Variants in KCNG2 observed in about 807,000 individuals in gnomAD.
KCNG2 encodes voltage-gated potassium channel regulatory subunit KCNG2.
Under a neutral mutation model 12.3 loss-of-function variants are expected in KCNG2, and 7 were observed. The observed-to-expected ratio is 0.57, with a 90% CI of 0.32 to 1.07. The LOEUF (loss-of-function observed/expected upper bound fraction) is 1.07. Ranked by LOEUF, KCNG2 falls within the 50% of genes least tolerant of loss-of-function variation. KCNG2 has a pLI of 0.04. For missense variants in KCNG2, 703 were observed against 726.0 expected (o/e 0.97, Z 0.36); for synonymous variants, 414 against 351.4 (o/e 1.18, Z -1.99).
In KCNG2 at chr18:79,899,606, G is replaced by C. The variant is rs775767437; in HGVS notation, c.1191G>C (p.Met397Ile). The C allele has an allele frequency of 5.6e-6, 9 of 1,599,494 alleles. No individual in the cohort carries two copies. The South Asian group carries it at 1.0e-4, about 18-fold the overall frequency. ...LSSILSGILL[M>I]AFPVTSIFHT... The stretch of plus-strand genomic sequence containing the variant: ...GCATCCTCAGCGGCATCCTGCTCAT[G>C]GCCTTCCCGGTCACCTCCATCTTCC... Residue 397 changes from methionine to isoleucine, a missense_variant, in exon 4 of 4, where the codon ATG becomes ATC. Met to Ile is a conservative substitution (Grantham distance 10). Coordinates refer to ENST00000316249, the MANE Select transcript of KCNG2 (RefSeq NM_012283.2).
intron 1 of KCNG2, among the ~76,000 whole-genome samples, chr18:79,827,879 C>T (rs1208468870): frequency 6.6e-6 from 1 of 151,944 alleles, no homozygotes; most frequent in Non-Finnish European, 1.5e-5. Flanking sequence ...ACAGAATTAG[C>T]AGTTAGAATT....
At position 79,884,909 on chromosome 18, in the gene KCNG2, G is replaced by A. The variant is rs574314185; in HGVS notation, c.625-14131G>A. ...GCCAAGACACCATCCCTGAAACTGT[G>A]ATAATGAGAGCGTCCTGACACCAGG... is the stretch of plus-strand genomic sequence containing the variant. On this transcript the variant is annotated intron_variant, in intron 3 of 3. Transcript: ENST00000316249. The surrounding 1 kb of genome is among the most constrained non-coding windows in gnomAD (Gnocchi z 5.5). 5.6e-4 allele frequency among the ~76,000 whole-genome samples: 85 copies of A among 152,270 alleles called. No individual in the cohort carries two copies. Among genetic ancestry groups the A allele is most frequent in the Non-Finnish European group, 1.1e-3 (76 of 68,016 alleles).
At chr18:79,824,051 G>A (rs1434430571) in intron 1 of KCNG2, among the ~76,000 whole-genome samples, 1 of 152,174 alleles carries the variant, frequency 6.6e-6, no homozygotes, top group Admixed American at 6.5e-5. Context: ...CACCCAGGCT[G>A]GAGTGCAGTG....
chr18:79,830,732 C>T (rs1447185846), intron 1 of KCNG2, among the ~76,000 whole-genome samples: 3 of 146,182 alleles, frequency 2.1e-5, no homozygotes, highest in Non-Finnish European at 4.5e-5. Context: ...GCAGACAGAG[C>T]CTTCGTCAGG....
chr18:79,827,973 G>C (rs1438296426), intron 1 of KCNG2, among the ~76,000 whole-genome samples: 2 of 145,212 alleles, frequency 1.4e-5, no homozygotes, highest in Non-Finnish European at 3.0e-5. Flanking sequence ...GCCCAGGCTG[G>C]AGTGCAGTGG....
At chr18:79,872,629 T>C (rs976808658) in intron 3 of KCNG2, among the ~76,000 whole-genome samples, 1 of 152,204 alleles carries the variant, frequency 6.6e-6, no homozygotes, top group Non-Finnish European at 1.5e-5. Flanking sequence ...GTCTCTCTTC[T>C]TGCTGCAGTA....
At chr18:79,871,324 G>C (rs1247520172) in intron 3 of KCNG2, among the ~76,000 whole-genome samples, 2 of 152,362 alleles carry the variant, frequency 1.3e-5, no homozygotes, top group African/African-American at 4.8e-5. Context: ...CGGCCTCATG[G>C]CAAGGATGGA....
intron 1 of KCNG2, among the ~76,000 whole-genome samples, chr18:79,849,057 G>C (rs1313359569): frequency 6.6e-6 from 1 of 152,240 alleles, no homozygotes; most frequent in African/African-American, 2.4e-5. Context: ...GCCTGGGCCC[G>C]CGTTCTCCCT....
intron 1 of KCNG2, among the ~76,000 whole-genome samples, chr18:79,834,267 G>T (rs867453623): frequency 6.6e-6 from 1 of 152,222 alleles, no homozygotes; most frequent in Non-Finnish European, 1.5e-5. Flanking sequence ...GTCCTCCGAC[G>T]TGGCAAATGG....
At chr18:79,829,759 C>T (rs499472) in intron 1 of KCNG2, among the ~76,000 whole-genome samples, 45,973 of 151,994 alleles carry the variant, frequency 0.3, 7,905 homozygotes, top group South Asian at 0.52. Context: ...AAGCTGGTGC[C>T]GGGGCAGCTC....
chr18:79,819,250 C>A (rs543452168), intron 1 of KCNG2, among the ~76,000 whole-genome samples: 2 of 152,200 alleles, frequency 1.3e-5, no homozygotes, highest in African/African-American at 4.8e-5. Context: ...AGGCCCTACC[C>A]GGGTGCAGCC....
intron 1 of KCNG2, among the ~76,000 whole-genome samples, chr18:79,827,611 A>C (rs1239821156): frequency 6.6e-6 from 1 of 152,204 alleles, no homozygotes; most frequent in Non-Finnish European, 1.5e-5. Flanking sequence ...GGAGGGGCTC[A>C]GGATGGAGCG....
chr18:79,873,271 C>T (rs76838079), intron 3 of KCNG2, among the ~76,000 whole-genome samples: 15,406 of 152,224 alleles, frequency 0.1, 1,105 homozygotes, highest in Non-Finnish European at 0.16. Flanking sequence ...CTTTCTTCTT[C>T]GTGGACTTTG....
Position 79,899,204 on chromosome 18 carries a change from C to T in KCNG2, c.789C>T (p.Tyr263=), listed in dbSNP as rs376211425. 2.1e-5 allele frequency: 34 copies of T among 1,603,442 alleles called. No homozygotes were observed. In the South Asian group the frequency reaches 3.0e-4, roughly 14 times the overall value. The stretch of plus-strand genomic sequence containing the variant: ...ACATCCTGGCGCTCCTGCCGTTCTA[C>T]GTGTCGCTGCTGCTGGGGCTGGCGG... The part of the protein sequence containing the change: ...IIDILALLPF[Y]VSLLLGLAAG... The change falls in exon 4 of 4, where the codon TAC becomes TAT. Residue 263 remains tyrosine, a synonymous_variant. Coordinates refer to ENST00000316249, the MANE Select transcript of KCNG2 (RefSeq NM_012283.2).
chr18:79,864,287 A>G lies in KCNG2; in HGVS notation c.620A>G (p.Glu207Gly). Reference sequence around the variant, plus strand: ...ATGCCGGACATCCGCGCCGAGGAGGAGCGGGTGAGCGCGGCCGGGGGTGGC... The same window carrying G: ...ATGCCGGACATCCGCGCCGAGGAGGGGCGGGTGAGCGCGGCCGGGGGTGGC... The part of the protein sequence containing the change: ...STMPDIRAEE[E>G]RGECSPKCRS... Residue 207 changes from glutamate to glycine, a missense_variant, in exon 3 of 4, where the codon GAG becomes GGG. Coordinates refer to ENST00000316249, the MANE Select transcript of KCNG2 (RefSeq NM_012283.2). The G allele has an allele frequency of 6.8e-7, 1 of 1,469,486 alleles. No homozygotes were observed. Among genetic ancestry groups the G allele is most frequent in the East Asian group, 3.2e-5 (1 of 31,212 alleles). 91.0% of individuals were successfully genotyped at this position (1,469,486 alleles called of 1,614,324 possible).
intron 3 of KCNG2, among the ~76,000 whole-genome samples, chr18:79,882,742 T>G: frequency 6.9e-6 from 1 of 144,150 alleles, no homozygotes; most frequent in Non-Finnish European, 1.5e-5. Context: ...TGCCATGGAG[T>G]GGCGAGGCTG....
At chr18:79,851,504 CAT>C (rs1978815167) in intron 1 of KCNG2, among the ~76,000 whole-genome samples, 2 of 152,182 alleles carry the variant, frequency 1.3e-5, no homozygotes, top group Admixed American at 1.3e-4. Context: ...AGAGGATGCA[CAT>C]GATATTAAAC....
Position 79,899,413 on chromosome 18 carries a change from T to C in KCNG2, c.998T>C (p.Met333Thr), listed in dbSNP as rs1981115438. 1.3e-6 allele frequency: 2 copies of C among 1,587,064 alleles called. No individual in the cohort carries two copies. Among genetic ancestry groups the C allele is most frequent in the Non-Finnish European group, 8.5e-7 (1 of 1,170,658 alleles). Residue 333 changes from methionine to threonine, a missense_variant, in exon 4 of 4, where the codon ATG becomes ACG. Transcript: ENST00000316249. ...CTGCTGCTGTTCCTCTGCGTGGCCATGGCGCTCTTCGCGCCACTGGTGCAC... is the reference window on the plus strand; with the variant it reads ...CTGCTGCTGTTCCTCTGCGTGGCCACGGCGCTCTTCGCGCCACTGGTGCAC... ...GLLLLFLCVAMALFAPLVHLA... is the reference protein window; with the variant it reads ...GLLLLFLCVATALFAPLVHLA...
At chr18:79,829,284 G>A (rs1435554547) in intron 1 of KCNG2, among the ~76,000 whole-genome samples, 1 of 151,354 alleles carries the variant, frequency 6.6e-6, no homozygotes, top group Non-Finnish European at 1.5e-5. Context: ...GTCTGTGTGT[G>A]TGTCTGCATG....
Sources: gnomAD v4.1 joint callset for allele counts (sites outside exome capture counted in the v4.1 genomes callset) on GRCh38, gnomAD v4.1.1 for gene constraint, Gnocchi (gnomAD v3.1) non-coding constraint, MANE v1.5 for transcripts, NCBI Gene and HGNC (gene_info 2026-07-23, HGNC 2026-07-21) for gene names.